LOC128462377: variants seen among roughly 807,000 people sequenced by gnomAD.
At chr16:89,396,736 G>C in the LOC128462377 span, among the ~76,000 whole-genome samples, 8 of 152,290 alleles carry the variant, frequency 5.3e-5, no homozygotes, top group Admixed American at 2.6e-4. Flanking sequence ...GCCCAGGCTG[G>C]AGTGCAATGG....
chr16:89,354,276 A>T, the LOC128462377 span, among the ~76,000 whole-genome samples: 1 of 150,960 alleles, frequency 6.6e-6, no homozygotes, highest in Admixed American at 6.6e-5. Flanking sequence ...CTTCATGTTG[A>T]AACACTGTAT....
At chr16:89,330,949 A>T in the LOC128462377 span, among the ~76,000 whole-genome samples, 1 of 152,200 alleles carries the variant, frequency 6.6e-6, no homozygotes, top group Non-Finnish European at 1.5e-5. Context: ...AAATATTATA[A>T]GCAAAACACC....
chr16:89,327,066 G>T, the LOC128462377 span, among the ~76,000 whole-genome samples: 167 of 37,960 alleles, frequency 4.4e-3, 1 homozygote, highest in African/African-American at 9.4e-3. Flanking sequence ...ATGCAGAGGT[G>T]GGGAATGCAG....
chr16:89,406,501 C>G, the LOC128462377 span, among the ~76,000 whole-genome samples: 1 of 152,188 alleles, frequency 6.6e-6, no homozygotes, highest in Non-Finnish European at 1.5e-5. Flanking sequence ...ACAACATGTT[C>G]GTTGGCCATG....
At chr16:89,380,723 G>T in the LOC128462377 span, among the ~76,000 whole-genome samples, 1 of 152,248 alleles carries the variant, frequency 6.6e-6, no homozygotes, top group African/African-American at 2.4e-5. Flanking sequence ...CCAGGGAAGA[G>T]AAGTGAGCAA....
chr16:89,363,618 C>T, the LOC128462377 span, among the ~76,000 whole-genome samples: 16 of 152,116 alleles, frequency 1.1e-4, no homozygotes, highest in African/African-American at 3.6e-4. Context: ...CAAATTCAAA[C>T]GCACTCTGTG....
chr16:89,414,652 G>A, the LOC128462377 span, among the ~76,000 whole-genome samples: 1 of 152,214 alleles, frequency 6.6e-6, no homozygotes, highest in African/African-American at 2.4e-5. Context: ...GAGAGTGGAA[G>A]GGAGGGGCCA....
At chr16:89,376,896 A>C in the LOC128462377 span, among the ~76,000 whole-genome samples, 1 of 152,250 alleles carries the variant, frequency 6.6e-6, no homozygotes, top group Non-Finnish European at 1.5e-5. Context: ...AGTAGGGTTT[A>C]TGATAAGGAC....
the LOC128462377 span, among the ~76,000 whole-genome samples, chr16:89,381,578 C>T: frequency 6.6e-6 from 1 of 152,186 alleles, no homozygotes; most frequent in Non-Finnish European, 1.5e-5. Flanking sequence ...AAGTAACTTA[C>T]ATGCGATGAT....
chr16:89,318,576 C>A, the LOC128462377 span, among the ~76,000 whole-genome samples: 1 of 152,230 alleles, frequency 6.6e-6, no homozygotes, highest in East Asian at 1.9e-4. Context: ...CTGTGAGTGG[C>A]AGCTCCACTG....
At chr16:89,350,294 T>A in the LOC128462377 span, among the ~76,000 whole-genome samples, 1 of 152,118 alleles carries the variant, frequency 6.6e-6, no homozygotes, top group Non-Finnish European at 1.5e-5. Flanking sequence ...AGTTAAACAT[T>A]CATGTAACAT....
At chr16:89,401,224 G>A in the LOC128462377 span, among the ~76,000 whole-genome samples, 3 of 152,080 alleles carry the variant, frequency 2.0e-5, no homozygotes, top group South Asian at 2.1e-4. Flanking sequence ...CTTCCAAGAC[G>A]GCCGCCACCA....
At chr16:89,340,301 G>A in the LOC128462377 span, among the ~76,000 whole-genome samples, 5 of 152,164 alleles carry the variant, frequency 3.3e-5, no homozygotes, top group African/African-American at 1.2e-4. Flanking sequence ...TTTTTGAGAC[G>A]GAGTCTCGCT....
the LOC128462377 span, among the ~76,000 whole-genome samples, chr16:89,385,511 C>T: frequency 6.6e-6 from 1 of 152,126 alleles, no homozygotes; most frequent in Non-Finnish European, 1.5e-5. Context: ...CCAGAGACAC[C>T]GAGACCCTGT....
chr16:89,397,665 C>T, the LOC128462377 span, among the ~76,000 whole-genome samples: 1 of 152,242 alleles, frequency 6.6e-6, no homozygotes, highest in African/African-American at 2.4e-5. Context: ...GACACAGTTC[C>T]CAGTTTTACA....
the LOC128462377 span, among the ~76,000 whole-genome samples, chr16:89,390,353 G>A: frequency 5.9e-5 from 9 of 152,144 alleles, no homozygotes; most frequent in East Asian, 1.9e-4. Context: ...GGCGAACACC[G>A]AGTGTGGCGG....
chr16:89,325,413 G>A, the LOC128462377 span, among the ~76,000 whole-genome samples: 7 of 151,484 alleles, frequency 4.6e-5, no homozygotes, highest in South Asian at 4.2e-4. Flanking sequence ...ACTCCAGCCC[G>A]GGCGTCAGAG....
At chr16:89,414,673 G>A in the LOC128462377 span, among the ~76,000 whole-genome samples, 1 of 152,228 alleles carries the variant, frequency 6.6e-6, no homozygotes, top group Admixed American at 6.5e-5. Flanking sequence ...GGGCCACAGA[G>A]CTAGCACCAG....
At chr16:89,321,491 C>T in the LOC128462377 span, among the ~76,000 whole-genome samples, 26 of 149,760 alleles carry the variant, frequency 1.7e-4, no homozygotes, top group Admixed American at 5.3e-4. Context: ...GGTGGGGAGC[C>T]GCAGCTGCGG....
Sources: allele counts gnomAD v4.1 joint callset (sites outside exome capture counted in the v4.1 genomes callset), GRCh38; gene constraint gnomAD v4.1.1; transcripts MANE v1.5.